FCN2: variants seen among roughly 807,000 people sequenced by gnomAD.
FCN2 encodes ficolin-2.
A neutral mutation model predicts 32.5 loss-of-function variants in FCN2; 31 were observed. That is an observed-to-expected ratio of 0.96 (90% CI 0.72 to 1.29). The LOEUF (loss-of-function observed/expected upper bound fraction) is 1.29. Among genes scored for constraint, FCN2 ranks in the 50% most tolerant of loss-of-function variants. The probability of loss-of-function intolerance (pLI) is 0.00; values close to 1 mark genes in which losing one functional copy is unlikely to be tolerated. For missense variants in FCN2, 412 were observed against 406.5 expected, an observed-to-expected ratio of 1.01 and a Z score of -0.12; for synonymous variants, 181 against 164.5, an observed-to-expected ratio of 1.10 and a Z score of -0.77.
chr9:134,881,026 GGA>G (rs1230579798), intron 1 of FCN2, 105 bp downstream of exon 1: 1 of 810,032 alleles, frequency 1.2e-6, no homozygotes, highest in African/African-American at 1.7e-5. Context: ...CAGGCCGTGT[GGA>G]GCATCGTCTA....
At chr9:134,884,657 A>C (rs750575717) in intron 3 of FCN2, 83 bp from the exon 4 acceptor site, 60 of 1,396,524 alleles carry the variant, frequency 4.3e-5, no homozygotes, top group Non-Finnish European at 5.9e-5. Context: ...GAGGCCCAGA[A>C]AATGGTGTCC....
chr9:134,872,188 G>A, the FCN2 span, among the ~76,000 whole-genome samples: 3 of 151,290 alleles, frequency 2.0e-5, no homozygotes, highest in Non-Finnish European at 4.4e-5. Context: ...CAGCGGAGTC[G>A]TACCCCGTGT....
intron 6 of FCN2, among the ~76,000 whole-genome samples, chr9:134,886,146 G>A (rs1294843374): frequency 6.6e-6 from 1 of 152,184 alleles, no homozygotes; most frequent in Non-Finnish European, 1.5e-5. Context: ...GGCATCTCAG[G>A]TCCTGAGAGG....
intron 2 of FCN2, among the ~76,000 whole-genome samples, chr9:134,883,065 T>C (rs1311981182): frequency 6.6e-6 from 1 of 152,212 alleles, no homozygotes; most frequent in African/African-American, 2.4e-5. Context: ...ATTCTACCCA[T>C]GGTCTCTGGA....
chr9:134,868,720 C>G, the FCN2 span, among the ~76,000 whole-genome samples: 1 of 152,218 alleles, frequency 6.6e-6, no homozygotes, highest in Admixed American at 6.5e-5. The surrounding 1 kb of genome is among the most constrained non-coding windows in gnomAD (Gnocchi z 4.3). Context: ...GCCATCAGTG[C>G]TTGCTTGCCT....
At position 134,886,090 on chromosome 9, in the gene FCN2, G is replaced by A. The variant is rs115695257; in HGVS notation, c.559+193G>A. 3.8e-3 allele frequency among the ~76,000 whole-genome samples: 584 copies of A among 152,292 alleles called. 1 individual carries two copies. Among genetic ancestry groups the A allele is most frequent in the African/African-American group, 0.013 (558 of 41,560 alleles). On this transcript the variant is annotated intron_variant, in intron 6 of 7. Transcript: ENST00000291744. ...GCTCTGGCAGCATCGGGACGGGAGA[G>A]GGTCAGAGCTCTGGGATGAAGGCCT... is the stretch of plus-strand genomic sequence containing the variant.
At chr9:134,872,248 A>G in the FCN2 span, among the ~76,000 whole-genome samples, 13 of 150,566 alleles carry the variant, frequency 8.6e-5, no homozygotes, top group East Asian at 7.9e-4. Context: ...TACCCCGTGG[A>G]TGGATGGACC....
At chr9:134,868,418 G>A in the FCN2 span, 195 of 200,568 alleles carry the variant, frequency 9.7e-4, no homozygotes, top group African/African-American at 4.3e-3. The surrounding 1 kb of genome is among the most constrained non-coding windows in gnomAD (Gnocchi z 4.3). Flanking sequence ...ACTGGAAGTC[G>A]GGGAAAGGGA....
chr9:134,867,663 TAAAA>T, the FCN2 span, among the ~76,000 whole-genome samples: 1 of 140,210 alleles, frequency 7.1e-6, no homozygotes, highest in African/African-American at 2.6e-5. Context: ...GGGGATACTT[TAAAA>T]AAAAAAAAAA....
At chr9:134,872,749 C>A in the FCN2 span, among the ~76,000 whole-genome samples, 1 of 152,116 alleles carries the variant, frequency 6.6e-6, no homozygotes, top group Non-Finnish European at 1.5e-5. Context: ...TACCTCCTAC[C>A]GGGTCCCTCC....
chr9:134,875,355 TA>T, the FCN2 span, among the ~76,000 whole-genome samples: 11 of 152,204 alleles, frequency 7.2e-5, no homozygotes, highest in South Asian at 8.3e-4. Context: ...CCTTCCGTGG[TA>T]GACAGGCCCC....
chr9:134,876,642 G>C (rs1416156979), upstream of FCN2, among the ~76,000 whole-genome samples: 1 of 152,140 alleles, frequency 6.6e-6, no homozygotes, highest in Non-Finnish European at 1.5e-5. Flanking sequence ...GCAATGGCAC[G>C]ATCTTGGCTC....
At position 134,886,419 on chromosome 9, in the gene FCN2, TTCTC is replaced by T; in HGVS notation, c.560-9_560-6del. The stretch of plus-strand genomic sequence containing the variant: ...CCCTTCCGCTGAGACCCTGAAACCT[TTCTC>T]TAACAGGAACCAGCGAGCTCCGTGT... On this transcript the variant is annotated splice_polypyrimidine_tract_variant and splice_region_variant and intron_variant, in intron 6 of 7. Transcript: ENST00000291744. The T allele has an allele frequency of 6.2e-7, 1 of 1,614,076 alleles. No individual in the cohort carries two copies. The highest frequency in any genetic ancestry group is 8.5e-7 in the Non-Finnish European group (1 of 1,179,982).
intron 5 of FCN2, 106 bp from the exon 6 acceptor site, chr9:134,885,662 G>C (rs943884085): frequency 6.8e-5 from 102 of 1,510,316 alleles, no homozygotes; most frequent in Middle Eastern, 2.1e-4. Context: ...GACCCCGCCT[G>C]TGATGCTCTG....
chr9:134,871,958 C>T, the FCN2 span, among the ~76,000 whole-genome samples: 9 of 136,310 alleles, frequency 6.6e-5, no homozygotes, highest in Non-Finnish European at 1.3e-4. Context: ...CCCCACTTAT[C>T]GTGTCCCCAG....
upstream of FCN2, among the ~76,000 whole-genome samples, chr9:134,876,759 G>A (rs1830606805): frequency 6.6e-6 from 1 of 152,100 alleles, no homozygotes; most frequent in African/African-American, 2.4e-5. Context: ...TGTATTTTTA[G>A]TAGAGAAGGG....
chr9:134,874,147 C>T, the FCN2 span, among the ~76,000 whole-genome samples: 1 of 152,108 alleles, frequency 6.6e-6, no homozygotes, highest in African/African-American at 2.4e-5. Flanking sequence ...AACTCTTGGC[C>T]TCAAGTGATT....
the FCN2 span, among the ~76,000 whole-genome samples, chr9:134,873,945 C>A: frequency 6.7e-6 from 1 of 148,648 alleles, no homozygotes. Context: ...GGATCTTGCT[C>A]TGTCACCCAG....
At position 134,887,460 on chromosome 9, in the gene FCN2, T is replaced by G. The variant is rs4521835; in HGVS notation, c.*45T>G. 669,491 of 1,587,380 alleles carry G rather than the reference T, an allele frequency of 0.42. 143,863 individuals are homozygous for G. The highest frequency in any genetic ancestry group is 0.6 in the African/African-American group (44,831 of 74,332). ...CAGGACGCCTCCACACATAGTTGGT[T>G]GGGGGGTAGGGTTGGGAGCTTGGCC... On this transcript the variant is annotated 3_prime_UTR_variant, in exon 8 of 8. Transcript: ENST00000291744.
Sources: gnomAD v4.1 joint callset for allele counts (sites outside exome capture counted in the v4.1 genomes callset) on GRCh38, gnomAD v4.1.1 for gene constraint, Gnocchi (gnomAD v3.1) non-coding constraint, MANE v1.5 for transcripts, NCBI Gene and HGNC (gene_info 2026-07-23, HGNC 2026-07-21) for gene names.